The following NALCN variants were observed in gnomAD, a reference collection of about 807,000 sequenced individuals.
NALCN encodes sodium leak channel NALCN.
Under a neutral mutation model 225.3 loss-of-function variants are expected in NALCN, and 111 were observed. The observed-to-expected ratio is 0.49, with a 90% CI of 0.42 to 0.58. The LOEUF is 0.58. Ranked by LOEUF, NALCN falls within the 20% of genes least tolerant of loss-of-function variation. The pLI, the probability that NALCN is intolerant of heterozygous loss-of-function variation, is 0.00. For synonymous variants in NALCN, 764 were observed against 769.0 expected (o/e 0.99, Z 0.11); for missense variants, 1,378 against 2,202.4 (o/e 0.63, Z 7.49).
At chr13:101,390,725 G>A (rs1027046087) in intron 3 of NALCN, among the ~76,000 whole-genome samples, 13 of 151,966 alleles carry the variant, frequency 8.6e-5, no homozygotes, top group Non-Finnish European at 4.4e-5. Context: ...TTATCCTTGT[G>A]GTTAACATTT....
chr13:101,129,715 ATTTT>A (rs34648262), intron 17 of NALCN, among the ~76,000 whole-genome samples: 16 of 137,582 alleles, frequency 1.2e-4, no homozygotes, highest in African/African-American at 2.9e-4. Context: ...ATGACCCAGG[ATTTT>A]TTTTTTTTTT....
At chr13:101,074,375 T>C (rs779539673) in intron 36 of NALCN, 139 bp downstream of exon 36, 13 of 696,196 alleles carry the variant, frequency 1.9e-5, no homozygotes, top group Non-Finnish European at 2.7e-5. Flanking sequence ...AAAACTTGGC[T>C]ATTTTATTTT....
chr13:101,257,209 G>GTTTTTTTTTTTTT (rs34334262), intron 11 of NALCN, among the ~76,000 whole-genome samples: 2 of 121,118 alleles, frequency 1.7e-5, no homozygotes, highest in Non-Finnish European at 3.4e-5. Context: ...ATTGTTTATT[G>GTTTTTTTTTTTTT]TTTTTTTTTT....
rs761647929 is a variant in NALCN, at chr13:101,104,463, G to A, written c.2758-37C>T. 45 of 1,612,096 alleles carry A rather than the reference G, an allele frequency of 2.8e-5. No individual in the cohort carries two copies. The Admixed American group carries it at 4.5e-4, about 16-fold the overall frequency. On this transcript the variant is annotated intron_variant, in intron 24 of 43. Transcript: ENST00000251127. This position sits in a 1 kb window ranked among gnomAD's most constrained non-coding sequence, Gnocchi z 4.2. ...AAAAGGCAGTTTGGTTACAATGAAC[G>A]GAAAAACAGCAGGTCAGTATTTTAC...
In NALCN at chr13:101,126,645, A is replaced by C. The variant is rs377448925; in HGVS notation, c.2119-1964T>G. On this transcript the variant is annotated intron_variant, in intron 17 of 43. Coordinates refer to ENST00000251127, the MANE Select transcript of NALCN (RefSeq NM_052867.4). ...GTAGCTGGGACTACAGGTGCCCGCC[A>C]CCATGCCCGACTGATTTTTGTATTT... Among the ~76,000 whole-genome samples, 47 of 152,148 alleles carry C rather than the reference A, an allele frequency of 3.1e-4. No individual in the cohort carries two copies. The South Asian group carries it at 9.4e-3, about 30-fold the overall frequency.
At chr13:101,084,060 G>A (rs2033809354) in intron 30 of NALCN, among the ~76,000 whole-genome samples, 1 of 152,110 alleles carries the variant, frequency 6.6e-6, no homozygotes. Context: ...GTAATATTCA[G>A]GTTTGGGAAA....
intron 13 of NALCN, among the ~76,000 whole-genome samples, chr13:101,226,320 C>T (rs996654807): frequency 2.6e-5 from 4 of 152,124 alleles, no homozygotes; most frequent in Non-Finnish European, 5.9e-5. Flanking sequence ...TCCGAACCTG[C>T]GATAAGCTCC....
chr13:101,393,846 C>T (rs938326972), intron 3 of NALCN, among the ~76,000 whole-genome samples: 17 of 152,080 alleles, frequency 1.1e-4, no homozygotes, highest in African/African-American at 3.9e-4. Context: ...ACTATGTAAA[C>T]CTTGTCTGAG....
intron 10 of NALCN, among the ~76,000 whole-genome samples, chr13:101,258,822 A>G (rs1248511760): frequency 6.6e-6 from 1 of 152,208 alleles, no homozygotes; most frequent in Non-Finnish European, 1.5e-5. Flanking sequence ...AACATATATC[A>G]TTTGTGTATG....
intron 10 of NALCN, among the ~76,000 whole-genome samples, chr13:101,274,816 A>T (rs187973903): frequency 4.5e-4 from 69 of 152,194 alleles, no homozygotes; most frequent in South Asian, 8.3e-4. Flanking sequence ...CTCAAGTCCT[A>T]TAAGATTTAG....
At chr13:101,137,023 T>A (rs1288314773) in intron 17 of NALCN, among the ~76,000 whole-genome samples, 1 of 152,256 alleles carries the variant, frequency 6.6e-6, no homozygotes, top group African/African-American at 2.4e-5. Flanking sequence ...TATCTCATTG[T>A]GGCTTTGATT....
At chr13:101,196,978 G>A (rs935275211) in intron 13 of NALCN, among the ~76,000 whole-genome samples, 1 of 151,958 alleles carries the variant, frequency 6.6e-6, no homozygotes, top group Non-Finnish European at 1.5e-5. Context: ...CTACATTTTT[G>A]TAGCAGAATG....
chr13:101,142,138 C>CTTT (rs33925974), intron 17 of NALCN, among the ~76,000 whole-genome samples: 23,872 of 97,002 alleles, frequency 0.25, 3,891 homozygotes, highest in Non-Finnish European at 0.29. Flanking sequence ...CATTCTATGT[C>CTTT]TTTTTTTTTT....
chr13:101,270,059 T>TA (rs2042725071), intron 10 of NALCN, among the ~76,000 whole-genome samples: 1 of 152,240 alleles, frequency 6.6e-6, no homozygotes, highest in South Asian at 2.1e-4. Context: ...ACTTCAGTAC[T>TA]GAGTTCCTAA....
intron 6 of NALCN, among the ~76,000 whole-genome samples, chr13:101,349,670 T>C (rs1023727619): frequency 2.0e-5 from 3 of 152,186 alleles, no homozygotes; most frequent in African/African-American, 7.2e-5. Context: ...GAGCTGACCT[T>C]TAGTCATGAG....
chr13:101,219,626 T>A (rs774444178), intron 13 of NALCN, among the ~76,000 whole-genome samples: 6 of 152,208 alleles, frequency 3.9e-5, no homozygotes. Flanking sequence ...TGTTAATACC[T>A]CTATACCTTT....
chr13:101,257,007 C>G (rs1266077204), intron 11 of NALCN, among the ~76,000 whole-genome samples: 1 of 152,112 alleles, frequency 6.6e-6, no homozygotes, highest in Non-Finnish European at 1.5e-5. Context: ...TCGTGATCCA[C>G]CCGCCTTGGC....
chr13:101,231,010 A>G (rs945359513), intron 12 of NALCN, among the ~76,000 whole-genome samples: 4 of 152,154 alleles, frequency 2.6e-5, no homozygotes, highest in South Asian at 2.1e-4. Context: ...ACAGTATTCA[A>G]TGTAGTCATA....
chr13:101,327,057 C>T lies in NALCN; in HGVS notation c.799+18209G>A, dbSNP rs1263732142. Among the ~76,000 whole-genome samples, 7 of 152,120 alleles carry T rather than the reference C, an allele frequency of 4.6e-5. No homozygotes were observed. The East Asian group carries it at 7.8e-4, about 17-fold the overall frequency. ...TCTCAAGGGGAAAGAAAGTTATAGG[C>T]ATCAGATTTAAGGGGAGGAAAAATA... On this transcript the variant is annotated intron_variant, in intron 7 of 43. Transcript: ENST00000251127.
Sources: allele counts gnomAD v4.1 joint callset (sites outside exome capture counted in the v4.1 genomes callset), GRCh38; gene constraint gnomAD v4.1.1; non-coding constraint Gnocchi (gnomAD v3.1); transcripts MANE v1.5; gene names NCBI Gene and HGNC (gene_info 2026-07-23, HGNC 2026-07-21).